NEDD9: variants seen among roughly 807,000 people sequenced by gnomAD.
The protein encoded by NEDD9 is neural precursor cell expressed, developmentally down-regulated 9, also known as enhancer of filamentation 1.
A neutral mutation model predicts 76.6 loss-of-function variants in NEDD9; 26 were observed. The observed-to-expected ratio is 0.34, with a 90% CI of 0.25 to 0.47. The LOEUF (loss-of-function observed/expected upper bound fraction) is 0.47, where lower values mean the gene tolerates loss of function less well. NEDD9 is among the 20% of genes least tolerant of loss of function. The pLI, the probability that NEDD9 is intolerant of heterozygous loss-of-function variation, is 1.00. For synonymous variants in NEDD9, 392 were observed against 414.2 expected (o/e 0.95, Z 0.65); for missense variants, 937 against 1,058.5 (o/e 0.89, Z 1.59).
chr6:11,375,766 G>A (rs984021980), intron 1 of NEDD9, among the ~76,000 whole-genome samples: 1 of 152,192 alleles, frequency 6.6e-6, no homozygotes, highest in African/African-American at 2.4e-5. Context: ...CGAAGCAGAT[G>A]CCAGCACCAT....
At position 11,245,638 on chromosome 6, in the gene NEDD9, G is replaced by GAA. The variant is rs34415510; in HGVS notation, c.13-31913_13-31912dup. Among the ~76,000 whole-genome samples the GAA allele has an allele frequency of 3.8e-3, 585 of 151,984 alleles. 2 individuals are homozygous for GAA. The highest frequency in any genetic ancestry group is 5.3e-3 in the Non-Finnish European group (362 of 67,956). On this transcript the variant is annotated intron_variant, in intron 3 of 3. Transcript: ENST00000397378. ...GCAGGAAGATAAACTTGCGTTGGGG[G>GAA]AAAAAAATCACACCGTAAAGTTATG...
intron 1 of NEDD9, among the ~76,000 whole-genome samples, chr6:11,220,013 T>C (rs1405263312): frequency 1.3e-5 from 2 of 152,208 alleles, no homozygotes; most frequent in African/African-American, 2.4e-5. Flanking sequence ...AGACAGAAGA[T>C]ATGATAAGTT....
intron 2 of NEDD9, among the ~76,000 whole-genome samples, chr6:11,313,164 G>A (rs1761426571): frequency 6.6e-6 from 1 of 152,046 alleles, no homozygotes; most frequent in African/African-American, 2.4e-5. Context: ...TTGGTGGATG[G>A]GTAGATAGAT....
chr6:11,191,254 G>C, intron 4 of NEDD9, 49 bp from the exon 5 acceptor site: 1 of 1,523,972 alleles, frequency 6.6e-7, no homozygotes, highest in East Asian at 2.3e-5. Flanking sequence ...TTGGCTCATG[G>C]GAACCTGTGG....
chr6:11,334,859 A>C (rs760013434), intron 1 of NEDD9, among the ~76,000 whole-genome samples: 1 of 152,230 alleles, frequency 6.6e-6, no homozygotes, highest in South Asian at 2.1e-4. Flanking sequence ...CATTCGGCCC[A>C]GGAACCACTA....
intron 3 of NEDD9, among the ~76,000 whole-genome samples, chr6:11,271,228 G>A (rs1216268853): frequency 6.6e-6 from 1 of 152,038 alleles, no homozygotes; most frequent in Non-Finnish European, 1.5e-5. Flanking sequence ...GTAGAAATGC[G>A]GTCTCATTTT....
At chr6:11,249,653 A>G (rs1446364365) in intron 3 of NEDD9, among the ~76,000 whole-genome samples, 1 of 152,154 alleles carries the variant, frequency 6.6e-6, no homozygotes, top group African/African-American at 2.4e-5. Context: ...GTATTAGAGG[A>G]TGACTGCTAG....
chr6:11,252,582 G>T lies in NEDD9; in HGVS notation c.13-38855C>A, dbSNP rs780529077. On this transcript the variant is annotated intron_variant, in intron 3 of 3. Coordinates refer to the NEDD9 transcript ENST00000397378. The surrounding 1 kb of genome is among the most constrained non-coding windows in gnomAD (Gnocchi z 4.3). The stretch of plus-strand genomic sequence containing the variant: ...CCCTGTAGAGAGCAGAAAGGAGCTG[G>T]TAGGAAATAGACATCTTAGGTCCAT... Among the ~76,000 whole-genome samples, 9 of 152,170 alleles carry T rather than the reference G, an allele frequency of 5.9e-5. No individual in the cohort carries two copies. The highest frequency in any genetic ancestry group is 1.3e-4 in the Non-Finnish European group (9 of 68,032).
intron 1 of NEDD9, among the ~76,000 whole-genome samples, chr6:11,366,270 AGAAGGAAGGAAG>A (rs753253031): frequency 1.5e-5 from 2 of 132,416 alleles, no homozygotes; most frequent in South Asian, 2.4e-4. Flanking sequence ...AGTCTGAGAA[AGAAGGAAGGAAG>A]GAAGGAAGGA....
chr6:11,322,193 G>T (rs905444288), intron 2 of NEDD9, among the ~76,000 whole-genome samples: 1 of 152,194 alleles, frequency 6.6e-6, no homozygotes, highest in Non-Finnish European at 1.5e-5. Context: ...GGGGGCAAGG[G>T]AAGGGAGAGC....
At chr6:11,253,042 T>A (rs1759941363) in intron 3 of NEDD9, among the ~76,000 whole-genome samples, 1 of 152,204 alleles carries the variant, frequency 6.6e-6, no homozygotes, top group Non-Finnish European at 1.5e-5. Flanking sequence ...TTTAAATATG[T>A]CTTAATGATC....
intron 1 of NEDD9, among the ~76,000 whole-genome samples, chr6:11,224,221 G>C (rs1051387984): frequency 6.6e-6 from 1 of 152,204 alleles, no homozygotes; most frequent in Non-Finnish European, 1.5e-5. Flanking sequence ...TTCAATCAAC[G>C]TTATGTGTTC....
chr6:11,227,708 G>A (rs1416907990), intron 1 of NEDD9, among the ~76,000 whole-genome samples: 1 of 152,186 alleles, frequency 6.6e-6, no homozygotes, highest in Non-Finnish European at 1.5e-5. Flanking sequence ...AAACTAAACA[G>A]GCCCAGTAGG....
Position 11,190,308 on chromosome 6 carries a change from G to T in NEDD9, c.1561C>A (p.Pro521Thr). 10 of 1,614,234 alleles carry T rather than the reference G, an allele frequency of 6.2e-6. No individual in the cohort carries two copies. The highest frequency in any genetic ancestry group is 8.5e-6 in the Non-Finnish European group (10 of 1,180,046). Residue 521 changes from proline to threonine, a missense_variant, in exon 5 of 7, where the codon CCC becomes ACC. By Grantham distance (38) the Pro-to-Thr change is conservative (BLOSUM62 -1). Coordinates refer to ENST00000379446, the MANE Select transcript of NEDD9 (RefSeq NM_006403.4). This position sits in a 1 kb window ranked among gnomAD's most constrained non-coding sequence, Gnocchi z 5.8. ...TCCAGATCGTCACACTTGTTCTGGG[G>T]CTTGTTGATGGCCAAGATATTCAGG... ...WSLNILAINK[P>T]QNKCDDLDRF...
intron 3 of NEDD9, among the ~76,000 whole-genome samples, chr6:11,267,227 A>C (rs1760216683): frequency 1.3e-5 from 2 of 152,210 alleles, no homozygotes; most frequent in Non-Finnish European, 2.9e-5. Context: ...TGCTCCCTGC[A>C]AATGTGTCCT....
intron 1 of NEDD9, among the ~76,000 whole-genome samples, chr6:11,368,029 G>A (rs893555924): frequency 3.9e-5 from 6 of 152,138 alleles, no homozygotes; most frequent in Admixed American, 1.3e-4. Flanking sequence ...TGTGTTTTTC[G>A]TGTTTTCGTG....
At chr6:11,355,556 T>C (rs1005099388) in intron 1 of NEDD9, among the ~76,000 whole-genome samples, 6 of 152,304 alleles carry the variant, frequency 3.9e-5, no homozygotes, top group African/African-American at 1.4e-4. Context: ...GGGATGCCTT[T>C]AGTCTTGGGC....
chr6:11,233,142 C>CCT (rs70991101), upstream of NEDD9: 80,410 of 448,602 alleles, frequency 0.18, 4,329 homozygotes, highest in Middle Eastern at 0.28. Flanking sequence ...CCTGCTGATA[C>CCT]CTCTCTCTCT....
At chr6:11,334,258 C>T (rs1762104405) in intron 2 of NEDD9, among the ~76,000 whole-genome samples, 1 of 152,076 alleles carries the variant, frequency 6.6e-6, no homozygotes, top group Admixed American at 6.5e-5. Flanking sequence ...AATAAGAATG[C>T]TTATTTCTGA....
Sources: allele counts gnomAD v4.1 joint callset (sites outside exome capture counted in the v4.1 genomes callset), GRCh38; gene constraint gnomAD v4.1.1; non-coding constraint Gnocchi (gnomAD v3.1); transcripts MANE v1.5; gene names NCBI Gene and HGNC (gene_info 2026-07-23, HGNC 2026-07-21).